PSD3: variants seen among roughly 807,000 people sequenced by gnomAD.
PSD3 encodes the protein PH and SEC7 domain-containing protein 3.
Under a neutral mutation model 105.5 loss-of-function variants are expected in PSD3, and 49 were observed. That is an observed-to-expected ratio of 0.46 (90% CI 0.37 to 0.59). The LOEUF (loss-of-function observed/expected upper bound fraction) is 0.59, where lower values mean the gene tolerates loss of function less well. Ranked by LOEUF, PSD3 falls within the 20% of genes least tolerant of loss-of-function variation. The probability of loss-of-function intolerance (pLI) is 0.00; values close to 1 mark genes in which losing one functional copy is unlikely to be tolerated. For missense variants in PSD3, 1,561 were observed against 1,263.8 expected (o/e 1.24, Z -3.57); for synonymous variants, 557 against 457.8 (o/e 1.22, Z -2.77).
chr8:19,034,497 G>A (rs1417538960), intron 1 of PSD3, among the ~76,000 whole-genome samples: 2 of 152,124 alleles, frequency 1.3e-5, no homozygotes, highest in Admixed American at 6.6e-5. Context: ...GCCTTGCAAA[G>A]CAGTAATTCT....
At chr8:18,767,965 G>T (rs1308241651) in intron 8 of PSD3, among the ~76,000 whole-genome samples, 1 of 151,540 alleles carries the variant, frequency 6.6e-6, no homozygotes, top group Admixed American at 6.6e-5. Context: ...GACTTCTGGA[G>T]ATAGACTTTT....
At chr8:18,898,072 A>G (rs1819269124) in intron 2 of PSD3, among the ~76,000 whole-genome samples, 2 of 152,132 alleles carry the variant, frequency 1.3e-5, no homozygotes, top group Non-Finnish European at 2.9e-5. Context: ...TTTCTCATAT[A>G]CGGCTTTGAC....
At chr8:18,657,379 T>A (rs768622034) in intron 9 of PSD3, among the ~76,000 whole-genome samples, 1 of 152,234 alleles carries the variant, frequency 6.6e-6, no homozygotes, top group Non-Finnish European at 1.5e-5. Flanking sequence ...CTTGACAAAC[T>A]TCATGAAAGT....
chr8:19,010,103 A>T (rs2129475255), intron 1 of PSD3, among the ~76,000 whole-genome samples: 1 of 152,342 alleles, frequency 6.6e-6, no homozygotes, highest in East Asian at 1.9e-4. Context: ...TCACTGATGT[A>T]CACTCAGAGG....
At chr8:18,804,346 G>C in intron 6 of PSD3, 176 bp downstream of exon 6, 2 of 571,244 alleles carry the variant, frequency 3.5e-6, no homozygotes, top group Admixed American at 3.5e-5. Flanking sequence ...CTCTAAACCT[G>C]ACAAAATCCA....
chr8:19,048,197 G>T (rs1008302556), intron 1 of PSD3, among the ~76,000 whole-genome samples: 1 of 152,188 alleles, frequency 6.6e-6, no homozygotes, highest in Non-Finnish European at 1.5e-5. Flanking sequence ...GAATGCCAGG[G>T]AGCCTGGTAG....
chr8:18,698,656 G>A (rs934343739), intron 9 of PSD3, among the ~76,000 whole-genome samples: 7 of 152,104 alleles, frequency 4.6e-5, no homozygotes, highest in Admixed American at 1.3e-4. Context: ...CTAATATATT[G>A]TGTTAAGACA....
chr8:19,027,406 C>G (rs1470297088), intron 1 of PSD3, among the ~76,000 whole-genome samples: 2 of 151,974 alleles, frequency 1.3e-5, no homozygotes, highest in African/African-American at 2.4e-5. Flanking sequence ...AGTCAGAAAC[C>G]CCAGAGAAAA....
At chr8:18,815,337 C>A (rs761478833) in intron 4 of PSD3, among the ~76,000 whole-genome samples, 4 of 151,980 alleles carry the variant, frequency 2.6e-5, no homozygotes, top group Non-Finnish European at 5.9e-5. Flanking sequence ...GGGATGGAGT[C>A]TCGCTCTGTT....
chr8:18,741,152 G>C (rs1563214775), intron 9 of PSD3, among the ~76,000 whole-genome samples: 1 of 152,188 alleles, frequency 6.6e-6, no homozygotes, highest in East Asian at 1.9e-4. Flanking sequence ...GTAAGTGGTG[G>C]GGAGAAAGGA....
chr8:18,920,559 T>C (rs1467004026), intron 2 of PSD3, among the ~76,000 whole-genome samples: 1 of 152,230 alleles, frequency 6.6e-6, no homozygotes, highest in Non-Finnish European at 1.5e-5. Flanking sequence ...TATAATCTTC[T>C]CTCGATTTAC....
intron 9 of PSD3, among the ~76,000 whole-genome samples, chr8:18,679,023 TGTA>T (rs56025338): frequency 0.8 from 120,931 of 150,806 alleles, 52,257 homozygotes; most frequent in Non-Finnish European, 0.97. Flanking sequence ...AACAAAAATA[TGTA>T]AAGACATTTG....
At chr8:18,972,195 TTC>T (rs1586556602) in intron 1 of PSD3, among the ~76,000 whole-genome samples, 2 of 152,334 alleles carry the variant, frequency 1.3e-5, no homozygotes, top group East Asian at 3.9e-4. Context: ...TAGAGTGTCC[TTC>T]TGTCAACTAG....
chr8:18,917,476 T>C (rs185734099), intron 2 of PSD3, among the ~76,000 whole-genome samples: 10 of 152,310 alleles, frequency 6.6e-5, no homozygotes, highest in East Asian at 1.9e-4. Flanking sequence ...TCACTCAACA[T>C]TGCAGATTAG....
chr8:18,605,392 A>G (rs1196864650), intron 11 of PSD3, among the ~76,000 whole-genome samples: 1 of 151,514 alleles, frequency 6.6e-6, no homozygotes, highest in Non-Finnish European at 1.5e-5. Context: ...TTTGGTCCAT[A>G]TATTCCTTTT....
chr8:18,574,958 AT>A (rs895919955), intron 13 of PSD3, among the ~76,000 whole-genome samples, 169 bp downstream of exon 13: 8 of 150,330 alleles, frequency 5.3e-5, no homozygotes, highest in Non-Finnish European at 7.4e-5. Context: ...CTGGGTTTCT[AT>A]TTTTTTTTAC....
chr8:18,960,584 C>T (rs1240605370), intron 1 of PSD3, among the ~76,000 whole-genome samples: 4 of 152,124 alleles, frequency 2.6e-5, no homozygotes, highest in African/African-American at 4.8e-5. Flanking sequence ...TAAACTGCTG[C>T]TTAGTGACAT....
chr8:18,571,126 G>T (rs1033476276), intron 14 of PSD3, among the ~76,000 whole-genome samples: 5 of 152,052 alleles, frequency 3.3e-5, no homozygotes, highest in Non-Finnish European at 7.3e-5. Context: ...TTCCAAAAGT[G>T]CTGGGATTAC....
chr8:18,737,671 T>A (rs1054951380), intron 9 of PSD3, among the ~76,000 whole-genome samples: 3 of 152,176 alleles, frequency 2.0e-5, no homozygotes, highest in Non-Finnish European at 2.9e-5. Context: ...TATAAATAAG[T>A]CTTGCAAATA....
Sources: gnomAD v4.1 joint callset for allele counts (sites outside exome capture counted in the v4.1 genomes callset) on GRCh38, gnomAD v4.1.1 for gene constraint, MANE v1.5 for transcripts, NCBI Gene and HGNC (gene_info 2026-07-23, HGNC 2026-07-21) for gene names.